The following TRRAP variants were observed in gnomAD, a reference collection of about 807,000 sequenced individuals.
The protein encoded by TRRAP is transformation/transcription domain-associated protein.
Under a neutral mutation model 438.8 loss-of-function variants are expected in TRRAP, and 41 were observed. That is an observed-to-expected ratio of 0.09 (90% confidence interval 0.07 to 0.12). The LOEUF is 0.12. TRRAP is among the 10% of genes least tolerant of loss of function. TRRAP has a pLI of 1.00. For missense variants in TRRAP, 3,122 were observed against 5,055.1 expected (o/e 0.62, Z 11.60); for synonymous variants, 1,994 against 1,962.9 (o/e 1.02, Z -0.42).
At chr7:98,887,894 C>G (rs149170977) in intron 3 of TRRAP, among the ~76,000 whole-genome samples, 1 of 152,014 alleles carries the variant, frequency 6.6e-6, no homozygotes, top group Non-Finnish European at 1.5e-5. Flanking sequence ...ATTTAACTGC[C>G]CAGGTGTCTG....
chr7:98,898,164 A>G (rs782507524), intron 8 of TRRAP, among the ~76,000 whole-genome samples: 1 of 152,188 alleles, frequency 6.6e-6, no homozygotes, highest in South Asian at 2.1e-4. Flanking sequence ...GTCTTTTGAC[A>G]TTAATAAAGT....
intron 28 of TRRAP, 54 bp downstream of exon 28, chr7:98,935,729 AG>A: frequency 7.1e-7 from 1 of 1,411,250 alleles, no homozygotes; most frequent in Non-Finnish European, 9.6e-7. Flanking sequence ...TGACCACAGG[AG>A]GTCTATAGAA....
In TRRAP at chr7:98,903,882, T is replaced by C. The variant is rs537241489; in HGVS notation, c.1036+365T>C. Reference sequence around the variant, plus strand: ...GAGAGCTTGTGCAGGGAAACTCCCCTTTTTAAAACCATCAGATCTTAGCCG... The same window carrying C: ...GAGAGCTTGTGCAGGGAAACTCCCCCTTTTAAAACCATCAGATCTTAGCCG... On this transcript the variant is annotated intron_variant, in intron 12 of 72. Coordinates refer to ENST00000456197, the MANE Select transcript of TRRAP (RefSeq NM_001375524.1). Among the ~76,000 whole-genome samples, 6 of 152,270 alleles carry C rather than the reference T, an allele frequency of 3.9e-5. No homozygotes were observed. In the East Asian group the frequency reaches 1.2e-3, roughly 29 times the overall value.
At chr7:98,926,484 T>TA (rs1554411584) in intron 22 of TRRAP, among the ~76,000 whole-genome samples, 1 of 152,178 alleles carries the variant, frequency 6.6e-6, no homozygotes, top group African/African-American at 2.4e-5. Context: ...ATTGCCAACT[T>TA]AGAGTCATAT....
At chr7:98,883,381 A>G (rs1584262307) in intron 3 of TRRAP, among the ~76,000 whole-genome samples, 1 of 152,178 alleles carries the variant, frequency 6.6e-6, no homozygotes, top group Non-Finnish European at 1.5e-5. Context: ...TATTAAGACC[A>G]TATTCTTCTC....
At chr7:98,979,848 A>C (rs1792831861) in intron 58 of TRRAP, among the ~76,000 whole-genome samples, 1 of 152,162 alleles carries the variant, frequency 6.6e-6, no homozygotes, top group African/African-American at 2.4e-5. Context: ...ATTAATTTCA[A>C]ATAGTCTTGA....
chr7:98,936,673 T>C (rs1340613170), intron 28 of TRRAP, among the ~76,000 whole-genome samples: 1 of 152,204 alleles, frequency 6.6e-6, no homozygotes, highest in Non-Finnish European at 1.5e-5. Context: ...GGGCCTGTCC[T>C]GGATCCAGCC....
intron 45 of TRRAP, among the ~76,000 whole-genome samples, chr7:98,960,682 C>T (rs890063891): frequency 1.3e-5 from 2 of 152,176 alleles, no homozygotes; most frequent in Non-Finnish European, 2.9e-5. Flanking sequence ...ACCTCCACCT[C>T]CCGGGTTCAA....
Position 98,899,671 on chromosome 7 carries a change from G to A in TRRAP, c.712-8G>A. ...CAATGTATGAAAATCTGGTATGTTT[G>A]CTTTTAGCTCTACAAACTGAACATC... On this transcript the variant is annotated splice_region_variant and splice_polypyrimidine_tract_variant and intron_variant, in intron 9 of 72. Transcript: ENST00000456197. The A allele has an allele frequency of 1.2e-6, 2 of 1,614,114 alleles. No individual in the cohort carries two copies. Among genetic ancestry groups the A allele is most frequent in the Non-Finnish European group, 1.7e-6 (2 of 1,180,022 alleles).
At chr7:98,987,689 A>G (rs375229761) in intron 62 of TRRAP, among the ~76,000 whole-genome samples, 14 of 152,282 alleles carry the variant, frequency 9.2e-5, no homozygotes, top group African/African-American at 3.1e-4. Flanking sequence ...TTTCTTCCCA[A>G]TTGCCCTGAC....
At chr7:98,988,549 C>T (rs1408362594) in intron 62 of TRRAP, among the ~76,000 whole-genome samples, 1 of 152,140 alleles carries the variant, frequency 6.6e-6, no homozygotes, top group Non-Finnish European at 1.5e-5. Flanking sequence ...ATGAAATGTA[C>T]AGAACCGGTC....
At chr7:98,895,219 A>G (rs1013314752) in intron 6 of TRRAP, among the ~76,000 whole-genome samples, 4 of 152,188 alleles carry the variant, frequency 2.6e-5, no homozygotes, top group Non-Finnish European at 5.9e-5. Flanking sequence ...ATTATTTTTT[A>G]ATGGGTACAT....
chr7:98,949,830 G>C lies in TRRAP; in HGVS notation c.5124G>C (p.Leu1708=). ...KEPKLLAYCL[L]NYCKRNYGDI... ...CCAAGCTGCTGGCCTACTGCCTGCT[G>C]AACTACTGCAAGTGGGTGCCTCCTC... The change falls in exon 37 of 73, where the codon CTG becomes CTC. Residue 1708 remains leucine, a synonymous_variant. Coordinates refer to ENST00000456197, the MANE Select transcript of TRRAP (RefSeq NM_001375524.1). The C allele has an allele frequency of 1.9e-6, 3 of 1,613,158 alleles. No homozygotes were observed. Among genetic ancestry groups the C allele is most frequent in the Non-Finnish European group, 2.5e-6 (3 of 1,179,708 alleles).
intron 49 of TRRAP, among the ~76,000 whole-genome samples, chr7:98,966,175 G>A (rs566170374): frequency 5.3e-5 from 8 of 151,600 alleles, no homozygotes; most frequent in East Asian, 2.0e-4. Context: ...GCATGGTGGC[G>A]GGCGCCTGCA....
At chr7:98,964,909 C>T in intron 48 of TRRAP, 134 bp downstream of exon 48, 3 of 1,153,046 alleles carry the variant, frequency 2.6e-6, no homozygotes, top group Non-Finnish European at 3.5e-6. Context: ...TAAATCGTTA[C>T]CATTTGCTCT....
At chr7:98,992,849 G>C (rs558351045) in intron 65 of TRRAP, among the ~76,000 whole-genome samples, 1 of 152,156 alleles carries the variant, frequency 6.6e-6, no homozygotes, top group Non-Finnish European at 1.5e-5. Flanking sequence ...GGTGAGAGGC[G>C]GTGGATGAGG....
At chr7:98,998,358 T>TA (rs1235307813) in intron 67 of TRRAP, among the ~76,000 whole-genome samples, 1 of 151,946 alleles carries the variant, frequency 6.6e-6, no homozygotes, top group African/African-American at 2.4e-5. Flanking sequence ...CAACTTACAT[T>TA]AAAAAAAAGT....
At position 98,910,226 on chromosome 7, in the gene TRRAP, T is replaced by TCC; in HGVS notation, c.1522_1523dup (p.Pro509HisfsTer12). 1 of 271,752 alleles carries TCC rather than the reference T, an allele frequency of 3.7e-6. No individual in the cohort carries two copies. Among genetic ancestry groups the TCC allele is most frequent in the Non-Finnish European group, 5.1e-6 (1 of 195,588 alleles). The allele number at this position is 271,752 out of a possible 1,614,324, so 16.8% of individuals were successfully genotyped here. A position where few individuals can be genotyped will look rare whatever the true frequency, so the allele number is the denominator to read the frequency against. On this transcript the variant is annotated frameshift_variant, in exon 15 of 73. Transcript: ENST00000456197. LOFTEE classifies it high-confidence loss of function. ...CCCCAGCCCCTGTCCCTGCCCCACC[T>TCC]CCACCCCCGCCCCCACCCCCACCTG...
At position 98,983,638 on chromosome 7, in the gene TRRAP, T is replaced by C. The variant is rs2116763243; in HGVS notation, c.9022+179T>C. 8.6e-6 allele frequency: 6 copies of C among 695,272 alleles called. No homozygotes were observed. In the East Asian group the frequency reaches 1.6e-4, roughly 19 times the overall value. 43.1% of individuals were successfully genotyped at this position (695,272 alleles called of 1,614,324 possible). A position where few individuals can be genotyped will look rare whatever the true frequency, so the allele number is the denominator to read the frequency against. On this transcript the variant is annotated intron_variant, in intron 60 of 72. Coordinates refer to ENST00000456197, the MANE Select transcript of TRRAP (RefSeq NM_001375524.1). ...ATGGTACAGGGAAAGATGAAGGTGG[T>C]AGAAGAAGTAAAGTTTTGTTTTTTG...
Sources: gnomAD v4.1 joint callset for allele counts (sites outside exome capture counted in the v4.1 genomes callset) on GRCh38, gnomAD v4.1.1 for gene constraint, MANE v1.5 for transcripts, NCBI Gene and HGNC (gene_info 2026-07-23, HGNC 2026-07-21) for gene names.